ZNF429: variants seen among roughly 807,000 people sequenced by gnomAD.
ZNF429 encodes the protein zinc finger protein 429.
In ZNF429, 53 loss-of-function variants were observed where a neutral mutation model predicts 56.8. The ratio of observed to expected loss-of-function variants is 0.93; its 90% CI spans 0.75 to 1.17. ZNF429 has a LOEUF of 1.17. Among genes scored for constraint, ZNF429 ranks in the 50% most tolerant of loss-of-function variants. ZNF429 has a pLI of 0.00. For missense variants in ZNF429, 849 were observed against 788.4 expected (o/e 1.08, Z -0.92); for synonymous variants, 278 against 264.7 (o/e 1.05, Z -0.49).
intron 1 of ZNF429, among the ~76,000 whole-genome samples, chr19:21,509,479 TG>T (rs1226293587): frequency 1.3e-5 from 2 of 152,228 alleles, no homozygotes; most frequent in Non-Finnish European, 2.9e-5. Flanking sequence ...TGAATAACTC[TG>T]ACACGGAAAT....
chr19:21,508,680 G>A lies in ZNF429; in HGVS notation c.3+2906G>A, dbSNP rs1251124113. On this transcript the variant is annotated intron_variant, in intron 1 of 3. Coordinates refer to ENST00000358491, the MANE Select transcript of ZNF429 (RefSeq NM_001001415.4). ...TGTACCTTTTTCTTTCTTAGAGTGA[G>A]TTTAGAAATTTTCTCAGGCTTTTTT... Among the ~76,000 whole-genome samples, 6 of 136,794 alleles carry A rather than the reference G, an allele frequency of 4.4e-5. No homozygotes were observed. The East Asian group carries it at 1.3e-3, about 29-fold the overall frequency. The allele number at this position is 136,794 out of a possible 152,430, so 89.7% of individuals were successfully genotyped here.
At chr19:21,522,775 C>G (rs1469382498) in intron 1 of ZNF429, among the ~76,000 whole-genome samples, 1 of 151,914 alleles carries the variant, frequency 6.6e-6, no homozygotes, top group East Asian at 1.9e-4. Flanking sequence ...CAGGTGCCTG[C>G]AATCCCAGCT....
Position 21,540,395 on chromosome 19 carries a change from T to G in ZNF429, c.*2317T>G, listed in dbSNP as rs12973084. Among the ~76,000 whole-genome samples the G allele has an allele frequency of 1.3e-5, 2 of 151,732 alleles. No individual in the cohort carries two copies. Among genetic ancestry groups the G allele is most frequent in the Non-Finnish European group, 2.9e-5 (2 of 67,926 alleles). ...TTATCCTTTTTTTGATATTTAAATT[T>G]TTTTCTTATTTTTTTGTGGGTACAT... On this transcript the variant is annotated 3_prime_UTR_variant, in exon 4 of 4. Transcript: ENST00000358491.
intron 1 of ZNF429, 33 bp from the exon 2 acceptor site, chr19:21,529,623 TTC>T (rs747773822): frequency 1.5e-6 from 2 of 1,377,582 alleles, no homozygotes; most frequent in East Asian, 5.1e-5. Context: ...TTCTCTCTCT[TTC>T]TCTCTCCTTC....
rs1336908132 is a variant in ZNF429 at position 21,539,608 on chromosome 19, T to G, written c.*1530T>G. Among the ~76,000 whole-genome samples the G allele has an allele frequency of 6.6e-6, 1 of 151,446 alleles. No homozygotes were observed. Among genetic ancestry groups the G allele is most frequent in the Non-Finnish European group, 1.5e-5 (1 of 67,892 alleles). On this transcript the variant is annotated 3_prime_UTR_variant, in exon 4 of 4. Transcript: ENST00000358491. ...GGCTATTTTTTTTTTTTTTTGTATT[T>G]TTAGTAGAGATGAGATTTCACCATT...
chr19:21,531,052 G>T, intron 3 of ZNF429, among the ~76,000 whole-genome samples: 39 of 143,856 alleles, frequency 2.7e-4, no homozygotes, highest in African/African-American at 9.5e-4. Context: ...GTTGCAGTGA[G>T]CTGAGATCAC....
At chr19:21,530,497 T>C in intron 2 of ZNF429, 92 bp from the exon 3 acceptor site, 1 of 751,274 alleles carries the variant, frequency 1.3e-6, no homozygotes, top group Non-Finnish European at 2.0e-6. Context: ...TTTACTAGAA[T>C]ATTATATTAC....
intron 1 of ZNF429, chr19:21,507,477 A>G (rs1376445794): frequency 1.3e-5 from 2 of 152,210 alleles, no homozygotes; most frequent in Non-Finnish European, 2.9e-5. Flanking sequence ...CTGACACTGT[A>G]TTGTAAAAAA....
chr19:21,518,803 C>T (rs1415441190), intron 1 of ZNF429: 2 of 134,062 alleles, frequency 1.5e-5, no homozygotes, highest in Non-Finnish European at 3.3e-5. Context: ...CGTGATCTGC[C>T]CACCTCAGCC....
chr19:21,525,832 C>T (rs79264948), intron 1 of ZNF429, among the ~76,000 whole-genome samples: 1 of 19,056 alleles, frequency 5.2e-5, no homozygotes, highest in South Asian at 2.5e-3. Flanking sequence ...TTATTCTATA[C>T]ATTTTATTTT....
chr19:21,526,909 C>G (rs1246057794), intron 1 of ZNF429, among the ~76,000 whole-genome samples: 1 of 152,200 alleles, frequency 6.6e-6, no homozygotes, highest in Non-Finnish European at 1.5e-5. Context: ...CCACACACTT[C>G]TCTGTCCAAG....
At chr19:21,535,479 T>C in intron 3 of ZNF429, among the ~76,000 whole-genome samples, 1 of 121,328 alleles carries the variant, frequency 8.2e-6, no homozygotes, top group Non-Finnish European at 1.7e-5. Flanking sequence ...TTTCTTTCTT[T>C]CTTTCTTTCT....
In ZNF429 at chr19:21,537,605, T is replaced by C. The variant is rs1213503332; in HGVS notation, c.1552T>C (p.Phe518Leu). ...CAAATGTGAAGAATGTGGCAAAGCT[T>C]TTATCCTGTCCTCAAGACTTACTCA... ...PYKCEECGKA[F>L]ILSSRLTQHK... Residue 518 changes from phenylalanine (F) to leucine (L), a missense_variant, in exon 4 of 4, where the codon TTT becomes CTT. Physicochemically the swap from Phe to Leu is conservative, Grantham distance 22. Transcript: ENST00000358491. 6.2e-7 allele frequency: 1 copy of C among 1,613,518 alleles called. No individual in the cohort carries two copies. The highest frequency in any genetic ancestry group is 8.5e-7 in the Non-Finnish European group (1 of 1,179,872).
chr19:21,534,164 G>A, intron 3 of ZNF429, among the ~76,000 whole-genome samples: 2 of 152,012 alleles, frequency 1.3e-5, no homozygotes, highest in African/African-American at 4.8e-5. Context: ...CTGTGCTATT[G>A]GGATTGTTTA....
chr19:21,507,657 G>A (rs1341214885), intron 1 of ZNF429: 2 of 152,382 alleles, frequency 1.3e-5, no homozygotes, highest in African/African-American at 4.8e-5. Flanking sequence ...CAAGATATCA[G>A]TCATGGCTAT....
In ZNF429 at chr19:21,539,609, T is replaced by G. The variant is rs2033851444; in HGVS notation, c.*1531T>G. Among the ~76,000 whole-genome samples the G allele has an allele frequency of 6.6e-6, 1 of 151,646 alleles. No homozygotes were observed. The highest frequency in any genetic ancestry group is 6.6e-5 in the Admixed American group (1 of 15,198). On this transcript the variant is annotated 3_prime_UTR_variant, in exon 4 of 4. Transcript: ENST00000358491. ...GCTATTTTTTTTTTTTTTTGTATTT[T>G]TAGTAGAGATGAGATTTCACCATTT...
intron 3 of ZNF429, among the ~76,000 whole-genome samples, chr19:21,535,496 C>CTTCT: frequency 5.5e-5 from 4 of 73,394 alleles, no homozygotes; most frequent in East Asian, 3.8e-4. Flanking sequence ...TTCTTTCTTT[C>CTTCT]TTCTTTCTTT....
Position 21,539,346 on chromosome 19 carries a change from A to T in ZNF429, c.*1268A>T, listed in dbSNP as rs2033840126. Among the ~76,000 whole-genome samples the T allele has an allele frequency of 6.6e-6, 1 of 152,138 alleles. No individual in the cohort carries two copies. The highest frequency in any genetic ancestry group is 1.5e-5 in the Non-Finnish European group (1 of 68,016). On this transcript the variant is annotated 3_prime_UTR_variant, in exon 4 of 4. Coordinates refer to ENST00000358491, the MANE Select transcript of ZNF429 (RefSeq NM_001001415.4). Reference sequence around the variant, plus strand: ...TAAAGTGCTGAGTATAGAAAATAAAACTAAAGTTGTTAAATTATTTGTATA... The same window carrying T: ...TAAAGTGCTGAGTATAGAAAATAAATCTAAAGTTGTTAAATTATTTGTATA...
chr19:21,535,949 G>A, intron 3 of ZNF429, among the ~76,000 whole-genome samples: 1 of 152,164 alleles, frequency 6.6e-6, no homozygotes, highest in African/African-American at 2.4e-5. Flanking sequence ...TGAGGAGCTG[G>A]CAATTTACTT....
Sources: allele counts gnomAD v4.1 joint callset (sites outside exome capture counted in the v4.1 genomes callset), GRCh38; gene constraint gnomAD v4.1.1; transcripts MANE v1.5; gene names NCBI Gene and HGNC (gene_info 2026-07-23, HGNC 2026-07-21).